ENPP6: variants seen among roughly 807,000 people sequenced by gnomAD.
ENPP6 encodes glycerophosphocholine cholinephosphodiesterase ENPP6.
A neutral mutation model predicts 42.0 loss-of-function variants in ENPP6; 32 were observed. The observed-to-expected ratio is 0.76, with a 90% CI of 0.58 to 1.02. The LOEUF is 1.02. ENPP6 is among the 50% of genes least tolerant of loss of function. The probability of loss-of-function intolerance (pLI) is 0.00; values close to 1 mark genes in which losing one functional copy is unlikely to be tolerated. For synonymous variants in ENPP6, 213 were observed against 216.0 expected (o/e 0.99, Z 0.12); for missense variants, 552 against 566.8 (o/e 0.97, Z 0.27).
At chr4:184,207,015 G>C (rs1222820527) in intron 1 of ENPP6, among the ~76,000 whole-genome samples, 1 of 152,220 alleles carries the variant, frequency 6.6e-6, no homozygotes, top group African/African-American at 2.4e-5. Flanking sequence ...CCTAGGCGCT[G>C]GCCAGTTGCT....
intron 1 of ENPP6, among the ~76,000 whole-genome samples, chr4:184,173,279 G>T (rs967775719): frequency 3.3e-5 from 5 of 152,156 alleles, no homozygotes; most frequent in Non-Finnish European, 7.4e-5. Context: ...ACAAAAGAAA[G>T]AAATCAAAGG....
chr4:184,127,183 G>T (rs897698043), intron 2 of ENPP6, among the ~76,000 whole-genome samples: 3 of 151,968 alleles, frequency 2.0e-5, no homozygotes, highest in Non-Finnish European at 4.4e-5. Flanking sequence ...GTGCATATGT[G>T]GACAAATGGC....
chr4:184,094,968 G>A (rs555613108), intron 7 of ENPP6, among the ~76,000 whole-genome samples: 2 of 152,368 alleles, frequency 1.3e-5, no homozygotes, highest in South Asian at 2.1e-4. Context: ...TAAGGGAGAA[G>A]CACATACAGT....
At chr4:184,131,939 GTAATTCAGTCC>G (rs202169646) in intron 2 of ENPP6, among the ~76,000 whole-genome samples, 5,334 of 152,170 alleles carry the variant, frequency 0.035, 266 homozygotes, top group African/African-American at 0.11. Flanking sequence ...CCTGGTGGTT[GTAATTCAGTCC>G]TAATTCAGTC....
chr4:184,116,315 A>T (rs997781735), intron 5 of ENPP6, among the ~76,000 whole-genome samples: 3 of 152,248 alleles, frequency 2.0e-5, no homozygotes, highest in Non-Finnish European at 2.9e-5. Context: ...AGTAGGTATC[A>T]TCATGCCCAT....
At chr4:184,104,173 A>G (rs1396666621) in intron 6 of ENPP6, among the ~76,000 whole-genome samples, 1 of 152,182 alleles carries the variant, frequency 6.6e-6, no homozygotes, top group Non-Finnish European at 1.5e-5. Flanking sequence ...GCAGGCCTGG[A>G]CAATACCACA....
chr4:184,204,978 T>G lies in ENPP6; in HGVS notation c.241+12601A>C, dbSNP rs557000003. Among the ~76,000 whole-genome samples the G allele has an allele frequency of 3.3e-5, 5 of 152,298 alleles. No homozygotes were observed. In the South Asian group the frequency reaches 1.0e-3, roughly 32 times the overall value. Reference sequence around the variant, plus strand: ...GAAGTTTCGCTCATGTTGCCCAGGCTGGAGTGCAGTGGCACCATCTTGGCT... The same window carrying G: ...GAAGTTTCGCTCATGTTGCCCAGGCGGGAGTGCAGTGGCACCATCTTGGCT... On this transcript the variant is annotated intron_variant, in intron 1 of 7. Coordinates refer to ENST00000296741, the MANE Select transcript of ENPP6 (RefSeq NM_153343.4).
At chr4:184,099,771 A>G (rs1042795589) in intron 6 of ENPP6, among the ~76,000 whole-genome samples, 2 of 152,060 alleles carry the variant, frequency 1.3e-5, no homozygotes, top group Non-Finnish European at 2.9e-5. Context: ...TGCATCTCTA[A>G]CTTTCTCTTT....
chr4:184,170,415 G>A lies in ENPP6; in HGVS notation c.242-16682C>T, dbSNP rs188102934. Among the ~76,000 whole-genome samples, 7 of 147,928 alleles carry A rather than the reference G, an allele frequency of 4.7e-5. No homozygotes were observed. The East Asian group carries it at 1.0e-3, about 21-fold the overall frequency. On this transcript the variant is annotated intron_variant, in intron 1 of 7. Coordinates refer to ENST00000296741, the MANE Select transcript of ENPP6 (RefSeq NM_153343.4). ...ACTGCACTCCAGCCTGAGTGACAGA[G>A]TGAGACTCTGTCTCAAAAAAGAAAA...
intron 1 of ENPP6, among the ~76,000 whole-genome samples, chr4:184,171,595 C>T (rs546650963): frequency 3.3e-5 from 5 of 152,282 alleles, no homozygotes; most frequent in South Asian, 4.1e-4. Context: ...AGCGGTGTCA[C>T]GAGCCAGACA....
rs145701333 is a variant in ENPP6 at position 184,096,587 on chromosome 4, G to A, written c.1117+658C>T. On this transcript the variant is annotated intron_variant, in intron 7 of 7. Coordinates refer to ENST00000296741, the MANE Select transcript of ENPP6 (RefSeq NM_153343.4). ...AACTTTTCCAAAGTATGAATTGGCA[G>A]GGATCCATCTGTTAAATCAAATGAC... Among the ~76,000 whole-genome samples, 268 of 152,244 alleles carry A rather than the reference G, an allele frequency of 1.8e-3. 2 individuals are homozygous for A. Among genetic ancestry groups the A allele is most frequent in the African/African-American group, 6.2e-3 (257 of 41,554 alleles).
intron 6 of ENPP6, among the ~76,000 whole-genome samples, chr4:184,112,102 C>T (rs754520949): frequency 6.6e-6 from 1 of 152,168 alleles, no homozygotes. Flanking sequence ...GCAGGGCCTC[C>T]CCACCGTGGC....
At chr4:184,131,206 T>TTCTTC in intron 2 of ENPP6, among the ~76,000 whole-genome samples, 1 of 98,908 alleles carries the variant, frequency 1.0e-5, no homozygotes, top group African/African-American at 4.5e-5. Flanking sequence ...TCTTTCTTCT[T>TTCTTC]TCTTTCTTTC....
At chr4:184,133,161 T>TCACACACA (rs66979248) in intron 2 of ENPP6, among the ~76,000 whole-genome samples, 105 of 139,940 alleles carry the variant, frequency 7.5e-4, no homozygotes, top group African/African-American at 2.3e-3. Context: ...ACCTGTCAAT[T>TCACACACA]CACACACACA....
chr4:184,143,976 G>A (rs1007361297), intron 2 of ENPP6, among the ~76,000 whole-genome samples: 6 of 152,226 alleles, frequency 3.9e-5, no homozygotes, highest in African/African-American at 1.2e-4. Flanking sequence ...CCACCACAGC[G>A]AAGTCCCTCT....
At chr4:184,178,182 C>A (rs574867561) in intron 1 of ENPP6, among the ~76,000 whole-genome samples, 6 of 152,068 alleles carry the variant, frequency 3.9e-5, no homozygotes, top group African/African-American at 1.4e-4. Flanking sequence ...TATAAATGAC[C>A]TGATGGAGCT....
chr4:184,217,490 T>C (rs1309304610), intron 1 of ENPP6, 89 bp downstream of exon 1: 1 of 1,541,870 alleles, frequency 6.5e-7, no homozygotes, highest in Non-Finnish European at 8.8e-7. Flanking sequence ...ATCCAGAGCA[T>C]TTAAATAAGA....
intron 2 of ENPP6, among the ~76,000 whole-genome samples, chr4:184,126,688 T>C (rs373226966): frequency 6.6e-6 from 1 of 152,242 alleles, no homozygotes; most frequent in Non-Finnish European, 1.5e-5. Flanking sequence ...GTTGGCAGCA[T>C]GAATTCTCTA....
At chr4:184,134,898 A>T (rs1216252972) in intron 2 of ENPP6, among the ~76,000 whole-genome samples, 1 of 151,254 alleles carries the variant, frequency 6.6e-6, no homozygotes, top group Non-Finnish European at 1.5e-5. Context: ...CCACTACATC[A>T]TAAGTAGCAT....
Sources: gnomAD v4.1 joint callset for allele counts (sites outside exome capture counted in the v4.1 genomes callset) on GRCh38, gnomAD v4.1.1 for gene constraint, MANE v1.5 for transcripts, NCBI Gene and HGNC (gene_info 2026-07-23, HGNC 2026-07-21) for gene names.